ANO3: variants seen among roughly 807,000 people sequenced by gnomAD.
ANO3 encodes the protein anoctamin 3.
Under a neutral mutation model 144.8 loss-of-function variants are expected in ANO3, and 99 were observed. The ratio of observed to expected loss-of-function variants is 0.68; its 90% confidence interval spans 0.58 to 0.81. The LOEUF is 0.81. Among genes scored for constraint, ANO3 ranks in the 30% least tolerant of loss-of-function variants. The probability of loss-of-function intolerance (pLI) is 0.00; values close to 1 mark genes in which losing one functional copy is unlikely to be tolerated. For synonymous variants in ANO3, 414 were observed against 392.6 expected, an observed-to-expected ratio of 1.05 and a Z score of -0.64; for missense variants, 905 against 1,202.2, an observed-to-expected ratio of 0.75 and a Z score of 3.66.
intron 1 of ANO3, among the ~76,000 whole-genome samples, chr11:26,201,265 T>G (rs559910683): frequency 6.6e-6 from 1 of 152,280 alleles, no homozygotes; most frequent in South Asian, 2.1e-4. Context: ...CTGATTTTCA[T>G]ACACCCCATA....
At chr11:26,600,076 G>A (rs1257543872) in intron 17 of ANO3, among the ~76,000 whole-genome samples, 2 of 151,986 alleles carry the variant, frequency 1.3e-5, no homozygotes, top group African/African-American at 4.8e-5. Context: ...CCATTTTATG[G>A]GAAAACTTGT....
intron 24 of ANO3, among the ~76,000 whole-genome samples, chr11:26,655,446 T>G (rs955011025): frequency 6.6e-6 from 1 of 152,224 alleles, no homozygotes; most frequent in African/African-American, 2.4e-5. Context: ...ACATCTTCAA[T>G]GTCTTTAAAA....
intron 1 of ANO3, among the ~76,000 whole-genome samples, chr11:26,393,186 T>G (rs1382794336): frequency 1.3e-5 from 2 of 152,162 alleles, no homozygotes; most frequent in African/African-American, 4.8e-5. Flanking sequence ...TCTTTGGCAC[T>G]GATCATACTT....
At chr11:26,391,727 C>A (rs1389725169) in intron 1 of ANO3, among the ~76,000 whole-genome samples, 1 of 151,988 alleles carries the variant, frequency 6.6e-6, no homozygotes, top group Non-Finnish European at 1.5e-5. Context: ...TGGCTCCTGG[C>A]TACTTGTGGT....
At chr11:26,391,871 A>G (rs1038217258) in intron 1 of ANO3, among the ~76,000 whole-genome samples, 4 of 152,092 alleles carry the variant, frequency 2.6e-5, no homozygotes, top group Admixed American at 2.6e-4. Context: ...TGATTCTAAT[A>G]CAGAAATATT....
At chr11:26,630,607 A>G (rs575643674) in intron 18 of ANO3, among the ~76,000 whole-genome samples, 6 of 152,364 alleles carry the variant, frequency 3.9e-5, no homozygotes, top group Admixed American at 3.9e-4. Context: ...CATACTCTCT[A>G]GCTTGTAATT....
rs1409710901 is a variant in ANO3, at chr11:26,660,768, G to A, written c.*324G>A. ...GTGTAATGGGAAAGAGGGTGGTGAG[G>A]TTTTGAAAGACAGATTTCCATGTAA... is the stretch of plus-strand genomic sequence containing the variant. On this transcript the variant is annotated 3_prime_UTR_variant, in exon 27 of 27. Coordinates refer to ENST00000256737, the MANE Select transcript of ANO3 (RefSeq NM_031418.4). The A allele has an allele frequency of 4.4e-6, 1 of 229,040 alleles. No homozygotes were observed. Among genetic ancestry groups the A allele is most frequent in the Non-Finnish European group, 8.4e-6 (1 of 119,724 alleles). 14.2% of individuals were successfully genotyped at this position (229,040 alleles called of 1,614,324 possible).
chr11:26,235,130 T>G (rs1852491196), intron 1 of ANO3, among the ~76,000 whole-genome samples: 1 of 152,126 alleles, frequency 6.6e-6, no homozygotes, highest in African/African-American at 2.4e-5. Context: ...GTCCATATAC[T>G]TTACTCAGTC....
At chr11:26,407,159 A>C (rs1048105511) in intron 1 of ANO3, among the ~76,000 whole-genome samples, 9 of 149,164 alleles carry the variant, frequency 6.0e-5, no homozygotes, top group African/African-American at 2.2e-4. Flanking sequence ...TTGCACATTG[A>C]TTGGAAAACA....
intron 4 of ANO3, among the ~76,000 whole-genome samples, chr11:26,486,377 AAAGG>A (rs1432076419): frequency 2.7e-5 from 4 of 149,650 alleles, no homozygotes; most frequent in Non-Finnish European, 5.9e-5. Context: ...AAAAAAAAAA[AAAGG>A]AAGTCAAAAT....
chr11:26,337,598 A>C (rs185291222), intron 1 of ANO3, among the ~76,000 whole-genome samples: 20 of 152,340 alleles, frequency 1.3e-4, no homozygotes, highest in Admixed American at 1.3e-3. Context: ...ACCCTTAAAA[A>C]ATCCAAGAAA....
chr11:26,502,884 G>A (rs1174866858), intron 4 of ANO3, among the ~76,000 whole-genome samples: 2 of 145,360 alleles, frequency 1.4e-5, no homozygotes, highest in Non-Finnish European at 3.0e-5. Context: ...CCTTCACCAA[G>A]ACAAGCAGTT....
At chr11:26,281,934 C>T (rs1853687916) in intron 1 of ANO3, among the ~76,000 whole-genome samples, 1 of 152,148 alleles carries the variant, frequency 6.6e-6, no homozygotes, top group Admixed American at 6.5e-5. Flanking sequence ...TTCGTCTATA[C>T]AACCATGTGG....
At chr11:26,421,909 A>G (rs113174917) in intron 1 of ANO3, among the ~76,000 whole-genome samples, 15,340 of 152,018 alleles carry the variant, frequency 0.1, 940 homozygotes, top group African/African-American at 0.17. Flanking sequence ...AGAACACATC[A>G]ACACATAGAG....
At chr11:26,200,336 T>C (rs975863737) in intron 1 of ANO3, among the ~76,000 whole-genome samples, 8 of 152,194 alleles carry the variant, frequency 5.3e-5, no homozygotes, top group African/African-American at 1.9e-4. Flanking sequence ...TAGAACACTT[T>C]CCTTTTCTTC....
At chr11:26,537,658 C>A (rs1474231785) in intron 10 of ANO3, among the ~76,000 whole-genome samples, 197 bp downstream of exon 10, 1 of 152,112 alleles carries the variant, frequency 6.6e-6, no homozygotes, top group African/African-American at 2.4e-5. Flanking sequence ...TTCAATTTGC[C>A]CCATACTGGG....
intron 14 of ANO3, among the ~76,000 whole-genome samples, chr11:26,568,474 T>TG (rs1850685763): frequency 2.0e-5 from 1 of 49,226 alleles, no homozygotes; most frequent in South Asian, 7.6e-4. Flanking sequence ...CTACCATAGT[T>TG]TTTTTTTTTA....
chr11:26,571,047 TA>T (rs1850804482), intron 14 of ANO3, among the ~76,000 whole-genome samples: 1 of 152,084 alleles, frequency 6.6e-6, no homozygotes, highest in Non-Finnish European at 1.5e-5. Flanking sequence ...TTGAGAACAT[TA>T]TTCTGGCTAA....
At chr11:26,624,921 CT>C (rs34454148) in intron 18 of ANO3, among the ~76,000 whole-genome samples, 4,692 of 144,488 alleles carry the variant, frequency 0.032, 91 homozygotes, top group Non-Finnish European at 0.051. Context: ...TACTTTTTAA[CT>C]TTTTTTTTTT....
Sources: allele counts gnomAD v4.1 joint callset (sites outside exome capture counted in the v4.1 genomes callset), GRCh38; gene constraint gnomAD v4.1.1; transcripts MANE v1.5; gene names NCBI Gene and HGNC (gene_info 2026-07-23, HGNC 2026-07-21).